Variants in FRMPD4 observed in about 807,000 individuals in gnomAD.
FRMPD4 encodes the protein FERM and PDZ domain containing 4.
In FRMPD4, 22 loss-of-function variants were observed where a neutral mutation model predicts 94.1. The observed-to-expected ratio is 0.23, with a 90% CI of 0.17 to 0.33. The LOEUF (loss-of-function observed/expected upper bound fraction) is 0.33. FRMPD4 is among the 10% of genes least tolerant of loss of function. The pLI, the probability that FRMPD4 is intolerant of heterozygous loss-of-function variation, is 1.00. For synonymous variants in FRMPD4, 631 were observed against 548.6 expected (o/e 1.15, Z -2.10); for missense variants, 1,111 against 1,339.9 (o/e 0.83, Z 2.67).
intron 5 of FRMPD4, among the ~76,000 whole-genome samples, 184 bp from the exon 6 acceptor site, chrX:12,683,299 T>C (rs777727492): frequency 8.9e-6 from 1 of 112,029 alleles, no homozygotes; most frequent in Non-Finnish European, 1.9e-5. Flanking sequence ...AAATCAAACT[T>C]ACTAACTTAT....
chrX:12,320,696 T>C (rs888418907), intron 1 of FRMPD4, among the ~76,000 whole-genome samples: 1 of 111,674 alleles, frequency 9.0e-6, no homozygotes, highest in Non-Finnish European at 1.9e-5. Context: ...AATCAGCATA[T>C]GCTTTCTTAA....
At chrX:11,841,178 G>A (rs2053534169) in intron 1 of FRMPD4, among the ~76,000 whole-genome samples, 2 of 108,286 alleles carry the variant, frequency 1.8e-5, no homozygotes, top group Non-Finnish European at 3.8e-5. Context: ...CCAAGTCTTT[G>A]CTATTGTGAA....
intron 2 of FRMPD4, among the ~76,000 whole-genome samples, chrX:12,555,889 A>C (rs1266486896): frequency 8.9e-6 from 1 of 112,286 alleles, no homozygotes; most frequent in Non-Finnish European, 1.9e-5. Flanking sequence ...ATATCAAATT[A>C]AACATGCCAT....
At chrX:11,996,992 G>A (rs765004475) in intron 3 of FRMPD4, among the ~76,000 whole-genome samples, 5 of 111,509 alleles carry the variant, frequency 4.5e-5, no homozygotes, top group Non-Finnish European at 9.4e-5. Flanking sequence ...AGCATAGACA[G>A]AGTGAAAAGA....
At chrX:12,679,865 C>T (rs1423633414) in intron 5 of FRMPD4, among the ~76,000 whole-genome samples, 1 of 111,264 alleles carries the variant, frequency 9.0e-6, no homozygotes, top group African/African-American at 3.3e-5. Context: ...TTCCTGCCTG[C>T]CTTCCCCACT....
Position 12,717,058 on chromosome X carries a change from A to G in FRMPD4, c.2599A>G (p.Asn867Asp), listed in dbSNP as rs144170600. The G allele has an allele frequency of 3.8e-4, 461 of 1,206,761 alleles. 1 individual carries two copies. The highest frequency in any genetic ancestry group is 3.6e-3 in the South Asian group (202 of 56,706). Residue 867 changes from asparagine (N) to aspartate (D), a missense_variant, in exon 15 of 17, where the codon AAT becomes GAT. Physicochemically the swap from Asn to Asp is conservative, Grantham distance 23. Around this residue, in one of 8 missense-constraint regions of FRMPD4, gnomAD observed 74 missense variants for 93.9 expected, o/e 0.79. Transcript: ENST00000675598. ...AEGKCEKGLD[N>D]AVVSTLGALE... ...AGGCAAGTGTGAGAAGGGACTGGAT[A>G]ATGCCGTCGTCTCCACGCTGGGAGC... is the stretch of plus-strand genomic sequence containing the variant.
At chrX:12,329,524 C>T (rs12011484) in intron 1 of FRMPD4, among the ~76,000 whole-genome samples, 17,463 of 109,900 alleles carry the variant, frequency 0.16, 1,097 homozygotes, top group Non-Finnish European at 0.19. Context: ...GCTTTCTGAA[C>T]CCCCAACAAT....
intron 1 of FRMPD4, among the ~76,000 whole-genome samples, chrX:11,828,289 T>C (rs2053455776): frequency 8.9e-6 from 1 of 112,164 alleles, no homozygotes; most frequent in Non-Finnish European, 1.9e-5. Flanking sequence ...GCTAGTAGCC[T>C]CTGCAACATT....
chrX:12,347,818 A>G (rs1005281781), intron 1 of FRMPD4, among the ~76,000 whole-genome samples: 2 of 111,275 alleles, frequency 1.8e-5, no homozygotes, highest in Admixed American at 1.9e-4. Flanking sequence ...AAATGTGCTT[A>G]GTTTTATTTT....
At chrX:12,517,332 A>G (rs1359183051) in intron 2 of FRMPD4, among the ~76,000 whole-genome samples, 1 of 90,528 alleles carries the variant, frequency 1.1e-5, no homozygotes, top group Non-Finnish European at 2.2e-5. Flanking sequence ...TCTAATCTTC[A>G]TGAGTTTATC....
At chrX:12,417,836 C>T (rs961685686) in intron 1 of FRMPD4, among the ~76,000 whole-genome samples, 2 of 107,196 alleles carry the variant, frequency 1.9e-5, no homozygotes, top group Admixed American at 9.9e-5. Context: ...GGTGAAACCC[C>T]GTCTCTACTT....
intron 4 of FRMPD4, among the ~76,000 whole-genome samples, chrX:12,647,946 A>G (rs888499508): frequency 2.7e-5 from 3 of 111,417 alleles, no homozygotes; most frequent in Non-Finnish European, 5.7e-5. Flanking sequence ...CAAGAATCCT[A>G]CCACACTCTG....
chrX:12,195,457 C>A (rs2056555517), intron 1 of FRMPD4, among the ~76,000 whole-genome samples: 1 of 112,106 alleles, frequency 8.9e-6, no homozygotes, highest in African/African-American at 3.2e-5. Flanking sequence ...CCGTGTTTGT[C>A]CCTGGATGAG....
chrX:11,946,223 A>AT (rs1376882499), intron 3 of FRMPD4, among the ~76,000 whole-genome samples: 2 of 110,967 alleles, frequency 1.8e-5, no homozygotes, highest in East Asian at 2.8e-4. Flanking sequence ...AAATATTCAC[A>AT]TTTTTTGTGG....
chrX:12,716,212 A>T lies in FRMPD4; in HGVS notation c.1753A>T (p.Ser585Cys), dbSNP rs767661572. 1 of 1,208,721 alleles carries T rather than the reference A, an allele frequency of 8.3e-7. No homozygotes were observed. The highest frequency in any genetic ancestry group is 1.8e-5 in the South Asian group (1 of 56,899). ...SKQKTVEITD[S>C]TMCPKEHRHL... is the part of the protein sequence containing the mutation. ...GCAGAAGACGGTGGAGATCACAGAC[A>T]GCACCATGTGTCCAAAAGAGCACCG... The change falls in exon 15 of 17, where the codon AGC (serine) becomes TGC (cysteine). Residue 585 changes from serine (S) to cysteine (C), a missense_variant. Ser to Cys is a moderately radical substitution (Grantham distance 112). This residue lies in a region of FRMPD4 where 192 missense variants were observed against 192.5 expected (regional missense o/e 1.00). Transcript: ENST00000675598.
intron 1 of FRMPD4, among the ~76,000 whole-genome samples, chrX:12,487,600 A>G (rs2057752413): frequency 8.9e-6 from 1 of 112,341 alleles, no homozygotes; most frequent in African/African-American, 3.2e-5. Context: ...TGTATGCCCT[A>G]TGAGGCTTGG....
At chrX:12,713,989 AG>A (rs956242745) in intron 14 of FRMPD4, among the ~76,000 whole-genome samples, 9 of 111,826 alleles carry the variant, frequency 8.0e-5, no homozygotes, top group African/African-American at 2.6e-4. Context: ...GGGCTTTAGG[AG>A]GGTCTCAGTA....
chrX:12,534,943 G>C (rs891779322), intron 2 of FRMPD4, among the ~76,000 whole-genome samples: 3 of 111,519 alleles, frequency 2.7e-5, no homozygotes, highest in Non-Finnish European at 5.7e-5. Context: ...GAGATTTGGA[G>C]GGGCCAGGGG....
At chrX:12,322,083 A>G (rs1278638202) in intron 1 of FRMPD4, among the ~76,000 whole-genome samples, 2 of 111,675 alleles carry the variant, frequency 1.8e-5, no homozygotes, top group Non-Finnish European at 3.8e-5. Flanking sequence ...AAACTTGCCC[A>G]TCTTCCCCTC....
Sources: gnomAD v4.1 joint callset for allele counts (sites outside exome capture counted in the v4.1 genomes callset) on GRCh38, gnomAD v4.1.1 for gene constraint, gnomAD v4.1.1 regional missense constraint, MANE v1.5 for transcripts, NCBI Gene and HGNC (gene_info 2026-07-23, HGNC 2026-07-21) for gene names.